The following KAT2B variants were observed in gnomAD, a reference collection of about 807,000 sequenced individuals.
KAT2B encodes histone acetyltransferase KAT2B.
In KAT2B, 36 loss-of-function variants were observed where a neutral mutation model predicts 105.9. The ratio of observed to expected loss-of-function variants is 0.34; its 90% CI spans 0.26 to 0.45. KAT2B has a LOEUF of 0.45. Among genes scored for constraint, KAT2B ranks in the 20% least tolerant of loss-of-function variants. The probability of loss-of-function intolerance (pLI) is 1.00; values close to 1 mark genes in which losing one functional copy is unlikely to be tolerated. For missense variants in KAT2B, 820 were observed against 1,021.6 expected (o/e 0.80, Z 2.69); for synonymous variants, 397 against 377.9 (o/e 1.05, Z -0.59).
chr3:20,056,323 G>C (rs79085995), intron 1 of KAT2B, among the ~76,000 whole-genome samples: 1 of 152,116 alleles, frequency 6.6e-6, no homozygotes, highest in East Asian at 1.9e-4. Flanking sequence ...TAATGTCCAG[G>C]TTTTTGGCCT....
intron 1 of KAT2B, among the ~76,000 whole-genome samples, chr3:20,063,441 CT>C (rs1378907780): frequency 1.4e-5 from 2 of 143,236 alleles, no homozygotes; most frequent in African/African-American, 5.2e-5. Context: ...TTCTTTCTTT[CT>C]TTTTTTTTCT....
In KAT2B at chr3:20,084,676, C is replaced by T. The variant is rs183140087; in HGVS notation, c.431-10587C>T. Among the ~76,000 whole-genome samples the T allele has an allele frequency of 9.5e-4, 145 of 152,274 alleles. 1 individual carries two copies. Among genetic ancestry groups the T allele is most frequent in the South Asian group, 2.7e-3 (13 of 4,824 alleles). ...GGGAAATGAGCCTCCTCAGGTTTCA[C>T]TTAAGCATTTTAATTTTTATCAGGC... On this transcript the variant is annotated intron_variant, in intron 2 of 17. Coordinates refer to ENST00000263754, the MANE Select transcript of KAT2B (RefSeq NM_003884.5).
chr3:20,118,109 CCCT>C (rs1177862208), intron 7 of KAT2B, among the ~76,000 whole-genome samples: 1 of 147,942 alleles, frequency 6.8e-6, no homozygotes, highest in African/African-American at 2.5e-5. Context: ...TCCACTCTTC[CCCT>C]AAGTTATTTA....
chr3:20,114,827 T>G (rs1326734420), intron 6 of KAT2B, 55 bp from the exon 7 acceptor site: 1 of 927,018 alleles, frequency 1.1e-6, no homozygotes, highest in Non-Finnish European at 1.7e-6. Flanking sequence ...TAATTAGGGC[T>G]GTTATCCTTA....
At chr3:20,103,979 G>C (rs1005129085) in intron 5 of KAT2B, among the ~76,000 whole-genome samples, 2 of 149,872 alleles carry the variant, frequency 1.3e-5, no homozygotes, top group Non-Finnish European at 3.0e-5. Flanking sequence ...CTGACACACA[G>C]AGCAGGTGCT....
At chr3:20,101,552 C>CCTG in intron 5 of KAT2B, 84 bp downstream of exon 5, 2 of 1,048,370 alleles carry the variant, frequency 1.9e-6, no homozygotes, top group Non-Finnish European at 2.9e-6. Context: ...AAGTATAGGG[C>CCTG]TGCCTAGTTA....
chr3:20,054,193 G>A (rs573960502), intron 1 of KAT2B, among the ~76,000 whole-genome samples: 39 of 150,130 alleles, frequency 2.6e-4, no homozygotes, highest in African/African-American at 7.5e-4. Flanking sequence ...GCAGTGGCGC[G>A]ATCTTGGCTC....
At position 20,149,992 on chromosome 3, in the gene KAT2B, C is replaced by T. The variant is rs138112106; in HGVS notation, c.2305+1505C>T. 1.7e-3 allele frequency among the ~76,000 whole-genome samples: 256 copies of T among 152,322 alleles called. 2 individuals carry two copies. Among genetic ancestry groups the T allele is most frequent in the South Asian group, 0.012 (60 of 4,828 alleles). On this transcript the variant is annotated intron_variant, in intron 17 of 17. Coordinates refer to ENST00000263754, the MANE Select transcript of KAT2B (RefSeq NM_003884.5). Reference sequence around the variant, plus strand: ...GCACATGCACTCTGATGACGTGCAGCGATAGGTCTAGCAGATCTCGTCGAT... The same window carrying T: ...GCACATGCACTCTGATGACGTGCAGTGATAGGTCTAGCAGATCTCGTCGAT...
At chr3:20,040,802 A>C (rs748338570) in intron 1 of KAT2B, 22 bp downstream of exon 1, 1 of 1,576,470 alleles carries the variant, frequency 6.3e-7, no homozygotes, top group Non-Finnish European at 8.6e-7. Flanking sequence ...CCGCTCTCGG[A>C]CCGCGGATGG....
intron 2 of KAT2B, among the ~76,000 whole-genome samples, chr3:20,084,145 C>T (rs941595056): frequency 2.0e-5 from 3 of 152,124 alleles, no homozygotes; most frequent in African/African-American, 4.8e-5. Context: ...TAGACAACTA[C>T]GTATTTATAT....
intron 2 of KAT2B, among the ~76,000 whole-genome samples, chr3:20,078,094 G>A (rs1469782852): frequency 6.6e-6 from 1 of 152,136 alleles, no homozygotes; most frequent in African/African-American, 2.4e-5. Flanking sequence ...AGGGAGGATG[G>A]CCTGAGCCTG....
intron 1 of KAT2B, among the ~76,000 whole-genome samples, chr3:20,054,200 G>A (rs1326362082): frequency 2.0e-5 from 3 of 148,582 alleles, no homozygotes; most frequent in African/African-American, 7.3e-5. Flanking sequence ...CGCGATCTTG[G>A]CTCACTGCAA....
chr3:20,141,790 T>TC (rs1420129664), intron 13 of KAT2B, among the ~76,000 whole-genome samples: 5 of 151,668 alleles, frequency 3.3e-5, no homozygotes, highest in African/African-American at 1.2e-4. Context: ...CAAAGGCTTT[T>TC]TTTTTTTTTT....
chr3:20,063,743 A>G (rs908558744), intron 1 of KAT2B, among the ~76,000 whole-genome samples: 2 of 149,566 alleles, frequency 1.3e-5, no homozygotes, highest in African/African-American at 4.9e-5. Context: ...GGGTTTCACC[A>G]TGTTGGCCAG....
intron 1 of KAT2B, among the ~76,000 whole-genome samples, chr3:20,049,446 A>G (rs1390082504): frequency 2.0e-5 from 3 of 152,190 alleles, no homozygotes; most frequent in Admixed American, 1.3e-4. Context: ...CTGAGACTCA[A>G]AGAGGTTAAG....
intron 3 of KAT2B, among the ~76,000 whole-genome samples, chr3:20,095,739 C>T (rs145176889): frequency 2.0e-4 from 31 of 152,230 alleles, no homozygotes; most frequent in Middle Eastern, 3.4e-3. Context: ...GAACAGTGGA[C>T]AAAACAGAGT....
At chr3:20,121,730 ATATG>A (rs1456603117) in intron 8 of KAT2B, among the ~76,000 whole-genome samples, 5,687 of 92,528 alleles carry the variant, frequency 0.061, 220 homozygotes, top group South Asian at 0.27. Flanking sequence ...ACACATATGC[ATATG>A]TGTGTGTGTG....
chr3:20,089,563 G>A (rs1156720537), intron 2 of KAT2B, among the ~76,000 whole-genome samples: 1 of 151,858 alleles, frequency 6.6e-6, no homozygotes, highest in Non-Finnish European at 1.5e-5. Flanking sequence ...ACCATGCCCG[G>A]CTAATTTTTT....
chr3:20,128,865 G>C (rs530341642), intron 11 of KAT2B, among the ~76,000 whole-genome samples: 61 of 152,000 alleles, frequency 4.0e-4, no homozygotes, highest in African/African-American at 1.4e-3. Context: ...AAATTAGCTT[G>C]GTGTGGTGGC....
Sources: gnomAD v4.1 joint callset for allele counts (sites outside exome capture counted in the v4.1 genomes callset) on GRCh38, gnomAD v4.1.1 for gene constraint, MANE v1.5 for transcripts, NCBI Gene and HGNC (gene_info 2026-07-23, HGNC 2026-07-21) for gene names.